The following STT3B variants were observed in gnomAD, a reference collection of about 807,000 sequenced individuals.
The protein encoded by STT3B is STT3 oligosaccharyltransferase complex catalytic subunit B.
Under a neutral mutation model 96.8 loss-of-function variants are expected in STT3B, and 29 were observed. The ratio of observed to expected loss-of-function variants is 0.30; its 90% confidence interval spans 0.22 to 0.41. The LOEUF (loss-of-function observed/expected upper bound fraction) is 0.41. Among genes scored for constraint, STT3B ranks in the 10% least tolerant of loss-of-function variants. STT3B has a pLI of 1.00. For missense variants in STT3B, 640 were observed against 1,022.3 expected (o/e 0.63, Z 5.10); for synonymous variants, 367 against 360.0 (o/e 1.02, Z -0.22).
intron 3 of STT3B, among the ~76,000 whole-genome samples, chr3:31,584,491 T>C (rs1270419944): frequency 6.6e-6 from 1 of 152,170 alleles, no homozygotes; most frequent in Non-Finnish European, 1.5e-5. Context: ...TTTTGTTAAT[T>C]CAACAGAAAT....
chr3:31,617,166 G>A (rs1177708853), intron 7 of STT3B, 91 bp downstream of exon 7: 9 of 961,678 alleles, frequency 9.4e-6, no homozygotes, highest in Admixed American at 2.9e-5. Context: ...ATAACAGCAT[G>A]ACTACAAAGT....
At chr3:31,557,922 A>G (rs369071865) in intron 1 of STT3B, among the ~76,000 whole-genome samples, 65 of 152,228 alleles carry the variant, frequency 4.3e-4, no homozygotes, top group African/African-American at 1.6e-3. Flanking sequence ...GAGCCACTGT[A>G]TTTTTTATAT....
chr3:31,616,064 A>G (rs1699300903), intron 6 of STT3B, among the ~76,000 whole-genome samples: 1 of 151,942 alleles, frequency 6.6e-6, no homozygotes, highest in Non-Finnish European at 1.5e-5. Flanking sequence ...TTTACATGAC[A>G]CAAGAGTCTT....
At chr3:31,556,372 C>T (rs1697711699) in intron 1 of STT3B, among the ~76,000 whole-genome samples, 3 of 152,148 alleles carry the variant, frequency 2.0e-5, no homozygotes, top group South Asian at 4.1e-4. Flanking sequence ...TGTGAACGCA[C>T]GTGTCCCTTT....
chr3:31,592,542 A>G (rs1349297321), intron 3 of STT3B, among the ~76,000 whole-genome samples: 2 of 152,146 alleles, frequency 1.3e-5, no homozygotes, highest in Non-Finnish European at 2.9e-5. Flanking sequence ...ATCATTTTAC[A>G]TTCCCACCGA....
chr3:31,592,102 A>T (rs1267239127), intron 3 of STT3B, among the ~76,000 whole-genome samples: 1 of 152,172 alleles, frequency 6.6e-6, no homozygotes, highest in Non-Finnish European at 1.5e-5. Flanking sequence ...AACTATACCC[A>T]TTAAACAATA....
At chr3:31,611,917 T>C (rs1342356087) in intron 5 of STT3B, among the ~76,000 whole-genome samples, 11 of 152,184 alleles carry the variant, frequency 7.2e-5, no homozygotes. Context: ...AATTGAGATA[T>C]AGCAATATAT....
chr3:31,533,543 T>G, intron 1 of STT3B: 23 of 394,940 alleles, frequency 5.8e-5, no homozygotes, highest in Non-Finnish European at 6.9e-5. Context: ...GAAACCTTGA[T>G]TCTCGGCCGG....
intron 15 of STT3B, among the ~76,000 whole-genome samples, chr3:31,635,122 G>C (rs755617509): frequency 6.6e-6 from 1 of 152,148 alleles, no homozygotes; most frequent in Non-Finnish European, 1.5e-5. Flanking sequence ...TGTGAAAATT[G>C]AATTGAGTGG....
Position 31,637,126 on chromosome 3 carries a change from C to T in STT3B, c.*1062C>T, listed in dbSNP as rs1276183434. On this transcript the variant is annotated 3_prime_UTR_variant, in exon 16 of 16. Transcript: ENST00000295770. ...CTTTTGTTAAAAATGTGACAGTTGT[C>T]AAAAAATGCACTAAAATGTAAATGG... 6.6e-6 allele frequency: 1 copy of T among 152,070 alleles called. No individual in the cohort carries two copies. The highest frequency in any genetic ancestry group is 1.5e-5 in the Non-Finnish European group (1 of 67,990). The allele number at this position is 152,070 out of a possible 1,614,324, so 9.4% of individuals were successfully genotyped here.
chr3:31,548,582 T>TA (rs1697472590), intron 1 of STT3B, among the ~76,000 whole-genome samples: 1 of 152,204 alleles, frequency 6.6e-6, no homozygotes, highest in South Asian at 2.1e-4. Flanking sequence ...TTAAGGATGG[T>TA]AAAGCTTCCC....
At chr3:31,592,684 A>G (rs781773543) in intron 3 of STT3B, among the ~76,000 whole-genome samples, 3 of 152,130 alleles carry the variant, frequency 2.0e-5, no homozygotes, top group Non-Finnish European at 4.4e-5. Context: ...AATGAGTAGT[A>G]ATGTTGAGCA....
At chr3:31,627,900 C>G (rs984669920) in intron 13 of STT3B, among the ~76,000 whole-genome samples, 4 of 151,708 alleles carry the variant, frequency 2.6e-5, no homozygotes, top group Non-Finnish European at 2.9e-5. Context: ...ATAGATAATA[C>G]ACTCATATGG....
chr3:31,622,349 T>G, intron 10 of STT3B, 41 bp downstream of exon 10: 9 of 1,502,466 alleles, frequency 6.0e-6, no homozygotes, highest in Non-Finnish European at 8.3e-6. Context: ...GTCTATGTCC[T>G]TTCTTAATTT....
chr3:31,569,436 T>C (rs1380187133), intron 1 of STT3B, among the ~76,000 whole-genome samples: 2 of 152,212 alleles, frequency 1.3e-5, no homozygotes, highest in Non-Finnish European at 2.9e-5. Flanking sequence ...TAAATGCCCC[T>C]TGCAGAAAAA....
At chr3:31,628,698 G>A (rs1699588288) in intron 13 of STT3B, among the ~76,000 whole-genome samples, 1 of 152,146 alleles carries the variant, frequency 6.6e-6, no homozygotes, top group Non-Finnish European at 1.5e-5. Flanking sequence ...TAAAGTTCAT[G>A]TGGAAAAATT....
At chr3:31,602,504 G>C (rs183071486) in intron 5 of STT3B, among the ~76,000 whole-genome samples, 1 of 152,028 alleles carries the variant, frequency 6.6e-6, no homozygotes, top group Non-Finnish European at 1.5e-5. Flanking sequence ...GGAGATGTCA[G>C]AAGTAGTCAA....
chr3:31,560,214 T>C (rs1196521357), intron 1 of STT3B, among the ~76,000 whole-genome samples: 1 of 152,134 alleles, frequency 6.6e-6, no homozygotes, highest in Admixed American at 6.5e-5. Context: ...TGGGGGTTTA[T>C]TCCTGTCATT....
chr3:31,559,149 GTGTGTGT>G (rs1559365160), intron 1 of STT3B, among the ~76,000 whole-genome samples: 435 of 26,638 alleles, frequency 0.016, 4 homozygotes, highest in African/African-American at 0.045. Flanking sequence ...TTCTTGGGGT[GTGTGTGT>G]GTGTGTGTGT....
Sources: allele counts gnomAD v4.1 joint callset (sites outside exome capture counted in the v4.1 genomes callset), GRCh38; gene constraint gnomAD v4.1.1; transcripts MANE v1.5; gene names NCBI Gene and HGNC (gene_info 2026-07-23, HGNC 2026-07-21).